HS6ST3: variants seen among roughly 807,000 people sequenced by gnomAD.
HS6ST3 encodes heparan sulfate 6-O-sulfotransferase 3.
Under a neutral mutation model 36.7 loss-of-function variants are expected in HS6ST3, and 12 were observed. The ratio of observed to expected loss-of-function variants is 0.33; its 90% CI spans 0.21 to 0.53. HS6ST3 has a LOEUF of 0.53. HS6ST3 is among the 20% of genes least tolerant of loss of function. The pLI is 0.95. For missense variants in HS6ST3, 584 were observed against 640.9 expected, an observed-to-expected ratio of 0.91 and a Z score of 0.96; for synonymous variants, 240 against 257.5, an observed-to-expected ratio of 0.93 and a Z score of 0.65.
chr13:96,459,317 T>C (rs2055770814), intron 1 of HS6ST3, among the ~76,000 whole-genome samples: 1 of 151,764 alleles, frequency 6.6e-6, no homozygotes, highest in Admixed American at 6.6e-5. Context: ...GAAGAAAAAA[T>C]GCTTTATCTT....
chr13:96,132,430 G>A (rs1055201560), intron 1 of HS6ST3, among the ~76,000 whole-genome samples: 2 of 150,962 alleles, frequency 1.3e-5, no homozygotes, highest in Admixed American at 6.6e-5. Context: ...TTTAAGACAG[G>A]GTCTTGCTCT....
At chr13:96,794,402 T>A (rs1447164289) in intron 1 of HS6ST3, among the ~76,000 whole-genome samples, 1 of 152,042 alleles carries the variant, frequency 6.6e-6, no homozygotes, top group South Asian at 2.1e-4. Flanking sequence ...AAATTTACAG[T>A]CTTTAAAAAA....
intron 1 of HS6ST3, among the ~76,000 whole-genome samples, chr13:96,279,972 C>T (rs1469801611): frequency 6.6e-6 from 1 of 152,158 alleles, no homozygotes; most frequent in Non-Finnish European, 1.5e-5. Flanking sequence ...CAAGGGACTA[C>T]AACTCCCTAA....
At chr13:96,493,076 G>A (rs1017146552) in intron 1 of HS6ST3, among the ~76,000 whole-genome samples, 16 of 152,166 alleles carry the variant, frequency 1.1e-4, no homozygotes, top group African/African-American at 3.9e-4. Context: ...GCTTCCCAAG[G>A]TCATGTTTCT....
intron 1 of HS6ST3, among the ~76,000 whole-genome samples, chr13:96,528,470 A>T (rs1225302849): frequency 6.6e-6 from 1 of 152,116 alleles, no homozygotes; most frequent in Non-Finnish European, 1.5e-5. Flanking sequence ...ATACTGATGA[A>T]ATTGTTGGTG....
intron 1 of HS6ST3, among the ~76,000 whole-genome samples, chr13:96,284,271 C>A (rs61966875): frequency 0.35 from 52,939 of 151,856 alleles, 9,452 homozygotes; most frequent in South Asian, 0.4. Context: ...TTGACTCACA[C>A]AATCACAGGT....
chr13:96,467,054 A>G (rs1179214793), intron 1 of HS6ST3, among the ~76,000 whole-genome samples: 3 of 152,188 alleles, frequency 2.0e-5, no homozygotes, highest in Non-Finnish European at 2.9e-5. Flanking sequence ...CTTCCCACCT[A>G]TATCTTTGAT....
intron 1 of HS6ST3, among the ~76,000 whole-genome samples, chr13:96,200,249 AT>A (rs1349451511): frequency 1.3e-5 from 2 of 152,130 alleles, no homozygotes; most frequent in Non-Finnish European, 2.9e-5. Context: ...TCACAGTAAA[AT>A]CTCATACCCT....
At chr13:96,806,439 A>G (rs1878199373) in intron 1 of HS6ST3, among the ~76,000 whole-genome samples, 5 of 152,184 alleles carry the variant, frequency 3.3e-5, no homozygotes. Flanking sequence ...CCATGATAGG[A>G]TAGCTTTTTG....
intron 1 of HS6ST3, among the ~76,000 whole-genome samples, chr13:96,721,554 A>G (rs1004805698): frequency 6.6e-6 from 1 of 152,160 alleles, no homozygotes; most frequent in Non-Finnish European, 1.5e-5. Flanking sequence ...CCATGGACTA[A>G]TAATAATAAT....
At chr13:96,750,354 A>G (rs1876670247) in intron 1 of HS6ST3, among the ~76,000 whole-genome samples, 1 of 152,234 alleles carries the variant, frequency 6.6e-6, no homozygotes, top group Non-Finnish European at 1.5e-5. Context: ...GTGACACTGA[A>G]CTGGTGGTCA....
chr13:96,310,725 G>A (rs941269203), intron 1 of HS6ST3, among the ~76,000 whole-genome samples: 6 of 143,464 alleles, frequency 4.2e-5, no homozygotes, highest in African/African-American at 1.3e-4. Context: ...ACGTAAAAAC[G>A]TATGCGTGCA....
At chr13:96,464,159 A>AAAAAAAAAAAAAAAAAAAC in intron 1 of HS6ST3, among the ~76,000 whole-genome samples, 1 of 149,762 alleles carries the variant, frequency 6.7e-6, no homozygotes, top group Non-Finnish European at 1.5e-5. Context: ...AAAAAAAAAA[A>AAAAAAAAAAAAAAAAAAAC]AATCAAAGAT....
intron 1 of HS6ST3, among the ~76,000 whole-genome samples, chr13:96,604,456 G>T (rs772325738): frequency 6.6e-6 from 1 of 152,116 alleles, no homozygotes; most frequent in Non-Finnish European, 1.5e-5. Flanking sequence ...AATGCATATT[G>T]GTTGATGTAT....
intron 1 of HS6ST3, among the ~76,000 whole-genome samples, chr13:96,098,454 A>C (rs1488071324): frequency 6.6e-6 from 1 of 152,168 alleles, no homozygotes; most frequent in Non-Finnish European, 1.5e-5. Flanking sequence ...GGAGGAAAAC[A>C]ATGACAAATT....
intron 1 of HS6ST3, among the ~76,000 whole-genome samples, chr13:96,804,575 C>T (rs1373456681): frequency 6.6e-6 from 1 of 152,144 alleles, no homozygotes; most frequent in Non-Finnish European, 1.5e-5. Flanking sequence ...TATATAGGTT[C>T]ACCATGCGAT....
intron 1 of HS6ST3, among the ~76,000 whole-genome samples, chr13:96,620,376 T>C (rs2056489928): frequency 1.3e-5 from 2 of 152,146 alleles, no homozygotes; most frequent in Admixed American, 1.3e-4. Context: ...ACTAGTTAGG[T>C]CCAGAGCAGT....
intron 1 of HS6ST3, among the ~76,000 whole-genome samples, chr13:96,371,920 C>T (rs541024564): frequency 2.0e-5 from 3 of 152,108 alleles, no homozygotes; most frequent in African/African-American, 7.2e-5. Flanking sequence ...CCTATCTTGG[C>T]TATTGTAAAT....
rs935130844 is a variant in HS6ST3, at chr13:96,090,309, C to G, written c.-554C>G. On this transcript the variant is annotated 5_prime_UTR_variant, in exon 1 of 2. Transcript: ENST00000376705. The stretch of plus-strand genomic sequence containing the variant: ...CCGTCAGCCCTCGCGGCTCCACAGC[C>G]CCGCGACCTGCCGGCAAAGGCGCCG... Among the ~76,000 whole-genome samples, 8 of 149,336 alleles carry G rather than the reference C, an allele frequency of 5.4e-5. No individual in the cohort carries two copies. Among genetic ancestry groups the G allele is most frequent in the African/African-American group, 1.7e-4 (7 of 41,200 alleles).
Sources: allele counts gnomAD v4.1 joint callset (sites outside exome capture counted in the v4.1 genomes callset), GRCh38; gene constraint gnomAD v4.1.1; transcripts MANE v1.5; gene names NCBI Gene and HGNC (gene_info 2026-07-23, HGNC 2026-07-21).